The following SLC52A3 variants were observed in gnomAD, a reference collection of about 807,000 sequenced individuals.
The protein encoded by SLC52A3 is solute carrier family 52, riboflavin transporter, member 3.
A neutral mutation model predicts 29.5 loss-of-function variants in SLC52A3; 20 were observed. The observed-to-expected ratio is 0.68, with a 90% CI of 0.48 to 0.99. The LOEUF (loss-of-function observed/expected upper bound fraction) is 0.99. SLC52A3 is among the 50% of genes least tolerant of loss of function. The pLI, the probability that SLC52A3 is intolerant of heterozygous loss-of-function variation, is 0.00. For missense variants in SLC52A3, 548 were observed against 612.9 expected, an observed-to-expected ratio of 0.89 and a Z score of 1.12; for synonymous variants, 301 against 271.0, an observed-to-expected ratio of 1.11 and a Z score of -1.09.
At chr20:772,426 C>T (rs1188943085), upstream of SLC52A3, among the ~76,000 whole-genome samples, 2 of 152,094 alleles carry the variant, frequency 1.3e-5, no homozygotes, top group Non-Finnish European at 2.9e-5. Context: ...TTTTGGACCT[C>T]GGGGACACAG....
At chr20:769,634 C>T (rs1805671999), upstream of SLC52A3, among the ~76,000 whole-genome samples, 2 of 152,186 alleles carry the variant, frequency 1.3e-5, no homozygotes, top group African/African-American at 2.4e-5. Flanking sequence ...CGGTGGCTCA[C>T]GTCTGTAATC....
intron 1 of SLC52A3, among the ~76,000 whole-genome samples, chr20:773,589 G>T (rs568055350): frequency 7.2e-5 from 11 of 152,206 alleles, no homozygotes; most frequent in Non-Finnish European, 1.6e-4. Context: ...AGAGAGAAAT[G>T]GGGTACAGGC....
upstream of SLC52A3, chr20:768,635 G>C (rs1474743237): frequency 6.6e-6 from 1 of 152,236 alleles, no homozygotes; most frequent in African/African-American, 2.4e-5. Context: ...CCAATGCTCA[G>C]TGGCCTTTCT....
At chr20:775,348 C>T (rs1055953583) in intron 1 of SLC52A3, among the ~76,000 whole-genome samples, 1 of 150,956 alleles carries the variant, frequency 6.6e-6, no homozygotes, top group African/African-American at 2.4e-5. Flanking sequence ...GATCTGAGCT[C>T]ACTGCAGCCT....
rs762145813 is a variant in SLC52A3 at position 761,721 on chromosome 20, A to G, written c.1177T>C (p.Trp393Arg). Reference sequence around the variant, plus strand: ...CTCACAATGAGGACTTCCCCACCCCAGTGGCCCTGCAAGAGGGGGCAGGGG... The same window carrying G: ...CTCACAATGAGGACTTCCCCACCCCGGTGGCCCTGCAAGAGGGGGCAGGGG... ...MSPCPLLQGHWGGEVLIVASW... is the reference protein window; with the variant it reads ...MSPCPLLQGHRGGEVLIVASW... Residue 393 changes from tryptophan (W) to arginine (R), a missense_variant, in exon 4 of 5, where the codon TGG (tryptophan) becomes CGG (arginine). Transcript: ENST00000645534. 5.4e-5 allele frequency: 87 copies of G among 1,613,914 alleles called. No individual in the cohort carries two copies. Among genetic ancestry groups the G allele is most frequent in the Non-Finnish European group, 7.0e-5 (83 of 1,180,000 alleles).
rs185137524 is a variant in SLC52A3, at chr20:767,415, G to T, written c.-52+882C>A. On this transcript the variant is annotated intron_variant, in intron 1 of 4. Coordinates refer to ENST00000645534, the MANE Select transcript of SLC52A3 (RefSeq NM_033409.4). Reference sequence around the variant, plus strand: ...TCTGTCACCAGGCTGGAGTGAAGTGGCACAATCTCAGCTCACTGCAACCTC... The same window carrying T: ...TCTGTCACCAGGCTGGAGTGAAGTGTCACAATCTCAGCTCACTGCAACCTC... Among the ~76,000 whole-genome samples the T allele has an allele frequency of 2.7e-3, 415 of 151,906 alleles. 4 individuals carry two copies. Among genetic ancestry groups the T allele is most frequent in the African/African-American group, 9.3e-3 (387 of 41,404 alleles).
chr20:761,318 CA>C lies in SLC52A3; in HGVS notation c.1198-81del, dbSNP rs1986467530. ...CGGAGCAAAGAACTCTCACAGGGCT[CA>C]GGGGAACCCACGGAATACTCTCTAG... On this transcript the variant is annotated intron_variant, in intron 4 of 4. Coordinates refer to ENST00000645534, the MANE Select transcript of SLC52A3 (RefSeq NM_033409.4). The C allele has an allele frequency of 3.6e-6, 5 of 1,394,788 alleles. No homozygotes were observed. The East Asian group carries it at 1.3e-4, about 35-fold the overall frequency. 86.4% of individuals were successfully genotyped at this position (1,394,788 alleles called of 1,614,324 possible). A position where few individuals can be genotyped will look rare whatever the true frequency, so the allele number is the denominator to read the frequency against.
chr20:773,226 C>A (rs1294464184), upstream of SLC52A3, among the ~76,000 whole-genome samples: 2 of 152,194 alleles, frequency 1.3e-5, no homozygotes, highest in African/African-American at 2.4e-5. Flanking sequence ...AAAGAGCTAA[C>A]AATCACCATG....
intron 4 of SLC52A3, 85 bp from the exon 5 acceptor site, chr20:761,323 G>A (rs1187942874): frequency 7.3e-7 from 1 of 1,367,654 alleles, no homozygotes; most frequent in Non-Finnish European, 9.9e-7. Flanking sequence ...GGGCTCAGGG[G>A]AACCCACGGA....
Position 763,544 on chromosome 20 carries a change from C to T in SLC52A3, c.1027G>A (p.Val343Met), listed in dbSNP as rs758815341. ...AYHLAATLSIVANPLASLVSM... is the reference protein window; with the variant it reads ...AYHLAATLSIMANPLASLVSM... ...ACCAACGAGGCAAGAGGGTTGGCCA[C>T]AATGCTGAGGGTGGCAGCCAGGTGG... The change falls in exon 3 of 5, where the codon GTG (valine) becomes ATG (methionine). Residue 343 changes from valine to methionine, a missense_variant. Physicochemically the swap from Val to Met is conservative, Grantham distance 21. This residue lies in a region of SLC52A3 where 375 missense variants were observed against 471.1 expected (regional missense o/e 0.80). Transcript: ENST00000645534. 2.5e-6 allele frequency: 4 copies of T among 1,614,140 alleles called. No individual in the cohort carries two copies. The highest frequency in any genetic ancestry group is 1.6e-4 in the Middle Eastern group (1 of 6,062).
upstream of SLC52A3, among the ~76,000 whole-genome samples, chr20:778,031 T>A (rs1424979539): frequency 2.7e-5 from 4 of 149,226 alleles, no homozygotes; most frequent in African/African-American, 1.0e-4. Context: ...TTTTTTTTTT[T>A]AAGATACAAT....
chr20:768,108 C>T (rs989576726), intron 1 of SLC52A3, among the ~76,000 whole-genome samples, 189 bp downstream of exon 1: 1 of 152,196 alleles, frequency 6.6e-6, no homozygotes, highest in African/African-American at 2.4e-5. Flanking sequence ...TATAAGGATG[C>T]TGGTGAGTTT....
At chr20:768,943 C>T (rs1241414792), upstream of SLC52A3, among the ~76,000 whole-genome samples, 1 of 152,222 alleles carries the variant, frequency 6.6e-6, no homozygotes, top group African/African-American at 2.4e-5. Flanking sequence ...ACTCCGTCCT[C>T]CAGGAGACCT....
At position 763,516 on chromosome 20, in the gene SLC52A3, G is replaced by A; in HGVS notation, c.1055C>T (p.Ser352Phe). 6.2e-7 allele frequency: 1 copy of A among 1,614,062 alleles called. No individual in the cohort carries two copies. The highest frequency in any genetic ancestry group is 1.3e-5 in the African/African-American group (1 of 75,056). Residue 352 changes from serine to phenylalanine, a missense_variant, in exon 3 of 5, where the codon TCC (serine) becomes TTC (phenylalanine). Coordinates refer to ENST00000645534, the MANE Select transcript of SLC52A3 (RefSeq NM_033409.4). Reference protein sequence around the residue: ...IVANPLASLVSMFLPNRSLLF... With the variant: ...IVANPLASLVFMFLPNRSLLF... ...GGCACACCTGTTAGGCAGGAACATGGAGACCAACGAGGCAAGAGGGTTGGC... is the reference window on the plus strand; with the variant it reads ...GGCACACCTGTTAGGCAGGAACATGAAGACCAACGAGGCAAGAGGGTTGGC...
Position 764,006 on chromosome 20 carries a change from G to A in SLC52A3, c.568-3C>T, listed in dbSNP as rs764281465. On this transcript the variant is annotated splice_region_variant and splice_polypyrimidine_tract_variant and intron_variant, in intron 2 of 4. Transcript: ENST00000645534. Reference sequence around the variant, plus strand: ...GACACCAAAGCTCTGGGAACTCCCTGCAAAGGACAAGACAGATCCCTGGTC... The same window carrying A: ...GACACCAAAGCTCTGGGAACTCCCTACAAAGGACAAGACAGATCCCTGGTC... The A allele has an allele frequency of 6.6e-7, 1 of 1,510,992 alleles. No homozygotes were observed. The highest frequency in any genetic ancestry group is 2.5e-5 in the East Asian group (1 of 40,076). The allele number at this position is 1,510,992 out of a possible 1,614,324, so 93.6% of individuals were successfully genotyped here.
At chr20:779,179 T>C (rs67541070), upstream of SLC52A3, among the ~76,000 whole-genome samples, 11,651 of 152,282 alleles carry the variant, frequency 0.077, 772 homozygotes, top group East Asian at 0.43. Context: ...TAATCTTATA[T>C]GGTAAATTCT....
rs559234954 is a variant in SLC52A3 at position 774,839 on chromosome 20, C to T, written c.-238+1116G>A. Among the ~76,000 whole-genome samples, 86 of 152,324 alleles carry T rather than the reference C, an allele frequency of 5.6e-4. No homozygotes were observed. In the Middle Eastern group the frequency reaches 0.01, roughly 18 times the overall value. ...GAGAGGAGATAGTGCTTCCCCGAAC[C>T]CTGCCCCACCCCTGATCTCAGGCTG... On this transcript the variant is annotated intron_variant, in intron 1 of 5. Coordinates refer to the SLC52A3 transcript ENST00000217254.
chr20:769,937 C>A (rs1471086147), upstream of SLC52A3, among the ~76,000 whole-genome samples: 1 of 152,102 alleles, frequency 6.6e-6, no homozygotes, highest in East Asian at 1.9e-4. Context: ...TTTTGTTAGA[C>A]AAATGGCCAC....
At chr20:771,195 A>C (rs934963624), upstream of SLC52A3, among the ~76,000 whole-genome samples, 1 of 152,212 alleles carries the variant, frequency 6.6e-6, no homozygotes, top group South Asian at 2.1e-4. Flanking sequence ...TGATGTTGGC[A>C]GATCACTTGA....
Sources: allele counts gnomAD v4.1 joint callset (sites outside exome capture counted in the v4.1 genomes callset), GRCh38; gene constraint gnomAD v4.1.1; regional missense constraint gnomAD v4.1.1; transcripts MANE v1.5; gene names NCBI Gene and HGNC (gene_info 2026-07-23, HGNC 2026-07-21).